The following VWA3B variants were observed in gnomAD, a reference collection of about 807,000 sequenced individuals.
VWA3B encodes the protein von Willebrand factor A domain-containing protein 3B.
A neutral mutation model predicts 158.3 loss-of-function variants in VWA3B; 138 were observed. The observed-to-expected ratio is 0.87, with a 90% CI of 0.76 to 1.00. The LOEUF (loss-of-function observed/expected upper bound fraction) is 1.00, where lower values mean the gene tolerates loss of function less well. Among genes scored for constraint, VWA3B ranks in the 50% least tolerant of loss-of-function variants. The pLI, the probability that VWA3B is intolerant of heterozygous loss-of-function variation, is 0.00. For synonymous variants in VWA3B, 596 were observed against 587.3 expected (o/e 1.01, Z -0.21); for missense variants, 1,555 against 1,565.1 (o/e 0.99, Z 0.11).
chr2:98,282,432 CTTTTTT>C (rs759230723), intron 22 of VWA3B, among the ~76,000 whole-genome samples: 17,880 of 124,770 alleles, frequency 0.14, 1,426 homozygotes, highest in Non-Finnish European at 0.2. Flanking sequence ...ACATGAATTA[CTTTTTT>C]TTTTTTTTTT....
intron 22 of VWA3B, among the ~76,000 whole-genome samples, chr2:98,272,398 C>A (rs965116964): frequency 6.6e-6 from 1 of 152,340 alleles, no homozygotes; most frequent in South Asian, 2.1e-4. Flanking sequence ...CCTGAGTGCT[C>A]TCCCTGGGTG....
At chr2:98,152,628 T>C (rs1479228775) in intron 7 of VWA3B, among the ~76,000 whole-genome samples, 1 of 152,198 alleles carries the variant, frequency 6.6e-6, no homozygotes, top group African/African-American at 2.4e-5. Context: ...TAAACTGAAA[T>C]AGTAAGTATG....
downstream of VWA3B, among the ~76,000 whole-genome samples, chr2:98,314,842 G>A (rs1300187918): frequency 2.0e-5 from 3 of 152,156 alleles, no homozygotes; most frequent in East Asian, 3.9e-4. Context: ...GGCCAACATG[G>A]TGAAACCCTG....
intron 15 of VWA3B, 100 bp from the exon 16 acceptor site, chr2:98,229,950 C>A (rs1685212837): frequency 1.3e-5 from 17 of 1,298,500 alleles, no homozygotes; most frequent in Non-Finnish European, 1.6e-5. Context: ...TTAAAGTTTG[C>A]AGTGTTCAAC....
At chr2:98,299,445 G>A (rs910891955) in intron 24 of VWA3B, among the ~76,000 whole-genome samples, 2 of 152,220 alleles carry the variant, frequency 1.3e-5, no homozygotes, top group African/African-American at 4.8e-5. Flanking sequence ...CCCTGCTGCT[G>A]TCTTGCCCAG....
chr2:98,318,752 T>G, the VWA3B span, among the ~76,000 whole-genome samples: 1 of 152,188 alleles, frequency 6.6e-6, no homozygotes, highest in East Asian at 1.9e-4. Flanking sequence ...TGTGGTACTA[T>G]CACAAGGAAA....
chr2:98,151,119 A>AT (rs112339447), intron 7 of VWA3B, among the ~76,000 whole-genome samples: 6,508 of 143,984 alleles, frequency 0.045, 162 homozygotes, highest in African/African-American at 0.059. Flanking sequence ...ACTAGTGCTA[A>AT]TTTTTTTTTT....
intron 1 of VWA3B, among the ~76,000 whole-genome samples, chr2:98,092,803 T>C (rs1682415563): frequency 7.2e-6 from 1 of 139,354 alleles, no homozygotes; most frequent in African/African-American, 2.6e-5. Flanking sequence ...GGAATATCTT[T>C]CTAGATGTTT....
Position 98,248,823 on chromosome 2 carries a change from TTTTCTTTCTTTCTTTC to T in VWA3B, c.2674-1449_2674-1434del, listed in dbSNP as rs55742932. Reference sequence around the variant, plus strand: ...TCTCTCTGTCTCTCTTTCTCTTTCTTTTTCTTTCTTTCTTTCTTTCTTTCTTTCTTTCTTTCTTTCT... The same window carrying T: ...TCTCTCTGTCTCTCTTTCTCTTTCTTTTTCTTTCTTTCTTTCTTTCTTTCT... On this transcript the variant is annotated intron_variant, in intron 19 of 27. Transcript: ENST00000477737. 4.4e-4 allele frequency among the ~76,000 whole-genome samples: 60 copies of T among 137,686 alleles called. 1 individual carries two copies. Among genetic ancestry groups the T allele is most frequent in the Non-Finnish European group, 5.7e-4 (36 of 62,704 alleles). The allele number at this position is 137,686 out of a possible 152,430, so 90.3% of individuals were successfully genotyped here.
In VWA3B at chr2:98,258,280, T is replaced by A. The variant is rs541663127; in HGVS notation, c.2843+2106T>A. 1.6e-3 allele frequency among the ~76,000 whole-genome samples: 248 copies of A among 152,050 alleles called. 2 individuals carry two copies. The highest frequency in any genetic ancestry group is 2.2e-3 in the Non-Finnish European group (151 of 67,840). On this transcript the variant is annotated intron_variant, in intron 21 of 27. Coordinates refer to ENST00000477737, the MANE Select transcript of VWA3B (RefSeq NM_144992.5). ...TGTAGATTTGTATTCAGTTTTGAAA[T>A]TAGGAAATATGAGTCCTTCAACTTT...
chr2:98,321,175 C>G, the VWA3B span, among the ~76,000 whole-genome samples: 1 of 152,210 alleles, frequency 6.6e-6, no homozygotes, highest in Non-Finnish European at 1.5e-5. Flanking sequence ...AAGTCAAGAA[C>G]TGAAGTTTTG....
chr2:98,295,441 G>A (rs907697293), intron 23 of VWA3B, among the ~76,000 whole-genome samples: 5 of 152,284 alleles, frequency 3.3e-5, no homozygotes, highest in East Asian at 1.9e-4. Context: ...CTGAGCACCC[G>A]CAGCATTTTT....
intron 12 of VWA3B, among the ~76,000 whole-genome samples, chr2:98,209,848 T>C (rs62154942): frequency 0.047 from 7,196 of 152,322 alleles, 256 homozygotes; most frequent in Middle Eastern, 0.082. Flanking sequence ...TTTCCACTTA[T>C]GTCTGTTTAT....
chr2:98,170,255 C>T (rs1024208620), intron 8 of VWA3B, among the ~76,000 whole-genome samples: 2 of 152,206 alleles, frequency 1.3e-5, no homozygotes, highest in Admixed American at 1.3e-4. Flanking sequence ...CCTTCACAGC[C>T]ATTTTGTGAC....
intron 22 of VWA3B, among the ~76,000 whole-genome samples, chr2:98,283,175 A>G (rs1688982365): frequency 6.6e-6 from 1 of 152,262 alleles, no homozygotes. Flanking sequence ...GACTCTACTC[A>G]TTCAGAATTT....
intron 23 of VWA3B, among the ~76,000 whole-genome samples, chr2:98,296,464 C>A (rs527737988): frequency 7.9e-5 from 12 of 152,114 alleles, no homozygotes; most frequent in Admixed American, 5.9e-4. Context: ...CATTTTAGTC[C>A]GATCAGAAAA....
At position 98,227,178 on chromosome 2, in the gene VWA3B, A is replaced by G. The variant is rs142139512; in HGVS notation, c.2020-1024A>G. Among the ~76,000 whole-genome samples, 981 of 152,346 alleles carry G rather than the reference A, an allele frequency of 6.4e-3. 6 individuals carry two copies. Among genetic ancestry groups the G allele is most frequent in the African/African-American group, 0.023 (936 of 41,576 alleles). ...CTCAGCCCAAAAACTCCTTCAGCTG[A>G]TAAGCAACTTTAGCAAAGTCTCAGA... On this transcript the variant is annotated intron_variant, in intron 14 of 27. Coordinates refer to ENST00000477737, the MANE Select transcript of VWA3B (RefSeq NM_144992.5).
At chr2:98,173,707 C>T (rs1046581110) in intron 8 of VWA3B, among the ~76,000 whole-genome samples, 8 of 152,158 alleles carry the variant, frequency 5.3e-5, no homozygotes, top group Non-Finnish European at 1.2e-4. Flanking sequence ...GTGGCTCACG[C>T]CTGTAATCCC....
intron 12 of VWA3B, among the ~76,000 whole-genome samples, chr2:98,195,264 A>G (rs1681945599): frequency 6.6e-6 from 1 of 152,222 alleles, no homozygotes; most frequent in South Asian, 2.1e-4. Flanking sequence ...CCTGGGCAAC[A>G]GAGCAAGTCT....
Sources: allele counts gnomAD v4.1 joint callset (sites outside exome capture counted in the v4.1 genomes callset), GRCh38; gene constraint gnomAD v4.1.1; transcripts MANE v1.5; gene names NCBI Gene and HGNC (gene_info 2026-07-23, HGNC 2026-07-21).